ELMO1: variants seen among roughly 807,000 people sequenced by gnomAD.
ELMO1 encodes engulfment and cell motility 1.
A neutral mutation model predicts 98.9 loss-of-function variants in ELMO1; 26 were observed. That is an observed-to-expected ratio of 0.26 (90% confidence interval 0.19 to 0.36). The LOEUF (loss-of-function observed/expected upper bound fraction) is 0.36. Among genes scored for constraint, ELMO1 ranks in the 10% least tolerant of loss-of-function variants. The pLI is 1.00. For missense variants in ELMO1, 627 were observed against 935.2 expected (o/e 0.67, Z 4.30); for synonymous variants, 346 against 346.0 (o/e 1.00, Z 0.00).
At chr7:36,960,638 T>C (rs1788864152) in intron 16 of ELMO1, among the ~76,000 whole-genome samples, 1 of 152,054 alleles carries the variant, frequency 6.6e-6, no homozygotes, top group Non-Finnish European at 1.5e-5. Flanking sequence ...TCTTTATTTT[T>C]TTTCTATGAC....
chr7:37,314,418 A>G (rs1444118851), intron 4 of ELMO1, among the ~76,000 whole-genome samples: 1 of 152,182 alleles, frequency 6.6e-6, no homozygotes, highest in East Asian at 1.9e-4. Context: ...GGTTCCCAAG[A>G]TTCATAGAAC....
intron 5 of ELMO1, chr7:37,270,100 G>A (rs1796476837): frequency 1.3e-5 from 2 of 152,160 alleles, no homozygotes; most frequent in African/African-American, 4.8e-5. Flanking sequence ...ATGACTTTTA[G>A]CAGGATAATC....
chr7:37,090,005 G>T (rs1379453469), intron 15 of ELMO1, among the ~76,000 whole-genome samples: 2 of 152,270 alleles, frequency 1.3e-5, no homozygotes. Context: ...GAGAAAGTGT[G>T]CTGAAAGTCT....
chr7:37,087,356 C>G (rs1783843807), intron 15 of ELMO1, among the ~76,000 whole-genome samples: 1 of 151,716 alleles, frequency 6.6e-6, no homozygotes, highest in Admixed American at 6.6e-5. Flanking sequence ...ATATAGCATC[C>G]CAGTTTAGTC....
intron 15 of ELMO1, among the ~76,000 whole-genome samples, chr7:37,040,185 G>A (rs1275486465): frequency 6.6e-6 from 1 of 151,984 alleles, no homozygotes; most frequent in Non-Finnish European, 1.5e-5. Context: ...CTAATATACT[G>A]GACAGTAGTT....
At chr7:37,317,170 T>C (rs150900582) in intron 2 of ELMO1, among the ~76,000 whole-genome samples, 2,589 of 152,316 alleles carry the variant, frequency 0.017, 66 homozygotes, top group Admixed American at 0.067. Context: ...TGATGCTATC[T>C]ACGCCTGCTC....
intron 13 of ELMO1, among the ~76,000 whole-genome samples, chr7:37,158,913 T>C (rs1788991678): frequency 1.3e-5 from 2 of 152,050 alleles, no homozygotes; most frequent in Non-Finnish European, 1.5e-5. Context: ...CAAATATCCA[T>C]CAATAATAGA....
rs1786629686 is a variant in ELMO1 at position 37,127,777 on chromosome 7, T to C, written c.1191+5353A>G. On this transcript the variant is annotated intron_variant, in intron 14 of 21. Coordinates refer to ENST00000310758, the MANE Select transcript of ELMO1 (RefSeq NM_014800.11). ...AGAGAGCCCTAGGTTTCCTTGCCATTGCTTCCTGCTTTGTGGTTGAATCTT... is the reference window on the plus strand; with the variant it reads ...AGAGAGCCCTAGGTTTCCTTGCCATCGCTTCCTGCTTTGTGGTTGAATCTT... Among the ~76,000 whole-genome samples the C allele has an allele frequency of 2.0e-5, 3 of 152,218 alleles. No homozygotes were observed. In the South Asian group the frequency reaches 6.2e-4, roughly 31 times the overall value.
intron 13 of ELMO1, among the ~76,000 whole-genome samples, chr7:37,154,152 T>C (rs1377244404): frequency 1.3e-5 from 2 of 152,128 alleles, no homozygotes; most frequent in South Asian, 2.1e-4. Context: ...CAAAACCTCA[T>C]CTGTAGGTCA....
intron 16 of ELMO1, among the ~76,000 whole-genome samples, chr7:36,906,269 T>C (rs959702060): frequency 4.6e-5 from 7 of 152,248 alleles, no homozygotes; most frequent in African/African-American, 1.7e-4. Flanking sequence ...CAGAGCCTAC[T>C]CGTCAAGATT....
chr7:37,044,298 T>A (rs1394642492), intron 15 of ELMO1, among the ~76,000 whole-genome samples: 1 of 152,184 alleles, frequency 6.6e-6, no homozygotes, highest in Non-Finnish European at 1.5e-5. Flanking sequence ...CCAACCCACA[T>A]GAAAGTCATC....
At chr7:37,100,422 T>C (rs1784579308) in intron 14 of ELMO1, among the ~76,000 whole-genome samples, 1 of 143,246 alleles carries the variant, frequency 7.0e-6, no homozygotes. Flanking sequence ...GGAACATTTA[T>C]GGCTTGGGCA....
intron 16 of ELMO1, among the ~76,000 whole-genome samples, chr7:36,912,725 G>A (rs1299535087): frequency 6.6e-6 from 1 of 152,052 alleles, no homozygotes; most frequent in East Asian, 1.9e-4. Context: ...CATGAGTATT[G>A]GAACAAAGAT....
At chr7:37,121,271 C>G (rs892141323) in intron 14 of ELMO1, among the ~76,000 whole-genome samples, 1 of 152,172 alleles carries the variant, frequency 6.6e-6, no homozygotes, top group Non-Finnish European at 1.5e-5. Context: ...CAAAGCTGGA[C>G]GGAGAATGAC....
chr7:36,919,657 C>A lies in ELMO1; in HGVS notation c.1438-24640G>T, dbSNP rs1784984729. Reference sequence around the variant, plus strand: ...GCCAATCAAAGTGTGTTGCTGCACACTCAGTATCAAGTATCCTAAAAGAAG... The same window carrying A: ...GCCAATCAAAGTGTGTTGCTGCACAATCAGTATCAAGTATCCTAAAAGAAG... On this transcript the variant is annotated intron_variant, in intron 16 of 21. Coordinates refer to ENST00000310758, the MANE Select transcript of ELMO1 (RefSeq NM_014800.11). Among the ~76,000 whole-genome samples, 6 of 152,258 alleles carry A rather than the reference C, an allele frequency of 3.9e-5. No homozygotes were observed. The South Asian group carries it at 1.2e-3, about 32-fold the overall frequency.
intron 21 of ELMO1, among the ~76,000 whole-genome samples, chr7:36,860,816 C>G (rs1802572043): frequency 6.6e-6 from 1 of 152,188 alleles, no homozygotes; most frequent in Non-Finnish European, 1.5e-5. Flanking sequence ...TGTGTCTAAT[C>G]TTTCCTCTCT....
At chr7:37,349,621 T>A (rs1232060112) in intron 1 of ELMO1, among the ~76,000 whole-genome samples, 12 of 152,096 alleles carry the variant, frequency 7.9e-5, no homozygotes, top group African/African-American at 2.9e-4. Context: ...GCGTGGCTAA[T>A]TTTTGTATTT....
chr7:37,062,817 T>C (rs1796738010), intron 15 of ELMO1, among the ~76,000 whole-genome samples: 1 of 152,178 alleles, frequency 6.6e-6, no homozygotes, highest in South Asian at 2.1e-4. Context: ...AACTTTGTAT[T>C]AACTGAGTAG....
At chr7:37,321,970 C>T (rs73112640) in intron 2 of ELMO1, among the ~76,000 whole-genome samples, 48,151 of 150,146 alleles carry the variant, frequency 0.32, 8,164 homozygotes, top group East Asian at 0.57. Context: ...AGTGATTCTC[C>T]TGCCTCAGCC....
Sources: gnomAD v4.1 joint callset for allele counts (sites outside exome capture counted in the v4.1 genomes callset) on GRCh38, gnomAD v4.1.1 for gene constraint, MANE v1.5 for transcripts, NCBI Gene and HGNC (gene_info 2026-07-23, HGNC 2026-07-21) for gene names.